SRGAP2: variants seen among roughly 807,000 people sequenced by gnomAD.
The protein encoded by SRGAP2 is SLIT-ROBO Rho GTPase-activating protein 2.
SRGAP2 carries 15 observed loss-of-function variants against 57.2 expected under a neutral mutation model. The observed-to-expected ratio is 0.26, with a 90% CI of 0.18 to 0.40. The LOEUF (loss-of-function observed/expected upper bound fraction) is 0.40. Among genes scored for constraint, SRGAP2 ranks in the 10% least tolerant of loss-of-function variants. SRGAP2 has a pLI of 1.00. For synonymous variants in SRGAP2, 249 were observed against 248.0 expected, an observed-to-expected ratio of 1.00 and a Z score of -0.04; for missense variants, 520 against 669.6, an observed-to-expected ratio of 0.78 and a Z score of 2.47.
At chr1:206,412,558 A>G (rs35825534) in intron 10 of SRGAP2, among the ~76,000 whole-genome samples, 1,965 of 152,358 alleles carry the variant, frequency 0.013, 19 homozygotes, top group Middle Eastern at 0.027. Context: ...ATATTGGAAC[A>G]TGCCCTAAGT....
intron 10 of SRGAP2, among the ~76,000 whole-genome samples, chr1:206,410,788 C>T (rs1659150915): frequency 6.6e-6 from 1 of 152,204 alleles, no homozygotes; most frequent in South Asian, 2.1e-4. Flanking sequence ...CAAATTCCCT[C>T]CTCATAGGCA....
intron 18 of SRGAP2, among the ~76,000 whole-genome samples, chr1:206,447,702 T>G (rs1662884728): frequency 6.6e-6 from 1 of 152,186 alleles, no homozygotes; most frequent in Admixed American, 6.5e-5. Flanking sequence ...AGCTGTAGAA[T>G]AGCATTCCCT....
chr1:206,435,606 T>G (rs1661657779), intron 14 of SRGAP2, among the ~76,000 whole-genome samples: 1 of 152,194 alleles, frequency 6.6e-6, no homozygotes, highest in Non-Finnish European at 1.5e-5. Flanking sequence ...CCTCTGCACT[T>G]GCACTCCAGT....
intron 2 of SRGAP2, among the ~76,000 whole-genome samples, chr1:206,227,739 A>T (rs1473397385): frequency 6.6e-6 from 1 of 151,858 alleles, no homozygotes; most frequent in Non-Finnish European, 1.5e-5. Context: ...CAAACAAAAC[A>T]TACTCTAATC....
Position 206,453,182 on chromosome 1 carries a change from C to A in SRGAP2, c.2180-18C>A, listed in dbSNP as rs1228262892. 2 of 483,662 alleles carry A rather than the reference C, an allele frequency of 4.1e-6. No homozygotes were observed. The highest frequency in any genetic ancestry group is 3.7e-5 in the South Asian group (1 of 27,336). The allele number at this position is 483,662 out of a possible 1,614,324, so 30.0% of individuals were successfully genotyped here. A position where few individuals can be genotyped will look rare whatever the true frequency, so the allele number is the denominator to read the frequency against. On this transcript the variant is annotated intron_variant, in intron 19 of 22. Transcript: ENST00000573034. ...AGGTCCCAAGAACATGTGTTTACTT[C>A]TTTTCCACCCTTCTCAGAATGTGAG... is the stretch of plus-strand genomic sequence containing the variant.
chr1:206,378,560 G>A (rs1422311786), intron 4 of SRGAP2, among the ~76,000 whole-genome samples: 1 of 152,220 alleles, frequency 6.6e-6, no homozygotes, highest in African/African-American at 2.4e-5. Flanking sequence ...AAGTAGAGGT[G>A]AAGCCAGCTG....
chr1:206,453,965 T>C (rs1410523892), intron 20 of SRGAP2: 3 of 609,000 alleles, frequency 4.9e-6, no homozygotes, highest in Admixed American at 5.4e-5. Context: ...CCTGAACTGG[T>C]CCCAGAGAGA....
chr1:206,456,870 G>A (rs985802701), intron 21 of SRGAP2, among the ~76,000 whole-genome samples: 17 of 152,104 alleles, frequency 1.1e-4, no homozygotes, highest in Non-Finnish European at 7.4e-5. Context: ...GCCCCTGGGC[G>A]CTCACGCCTG....
intron 2 of SRGAP2, among the ~76,000 whole-genome samples, chr1:206,293,060 A>G (rs1325834977): frequency 6.6e-6 from 1 of 152,352 alleles, no homozygotes; most frequent in South Asian, 2.1e-4. Flanking sequence ...CTCTACAGGA[A>G]CGTAGGGTCT....
chr1:206,366,403 C>T (rs1654015350), intron 4 of SRGAP2, among the ~76,000 whole-genome samples: 1 of 152,118 alleles, frequency 6.6e-6, no homozygotes, highest in African/African-American at 2.4e-5. Context: ...TTTTGAGGAG[C>T]CCTGTAGCGC....
At chr1:206,346,582 A>G (rs1372491719) in intron 4 of SRGAP2, among the ~76,000 whole-genome samples, 1 of 152,158 alleles carries the variant, frequency 6.6e-6, no homozygotes, top group Non-Finnish European at 1.5e-5. Context: ...ATCCAAATAC[A>G]TAAAATAGAT....
intron 19 of SRGAP2, among the ~76,000 whole-genome samples, chr1:206,450,791 G>C (rs1473984142): frequency 6.6e-6 from 1 of 152,072 alleles, no homozygotes; most frequent in African/African-American, 2.4e-5. Context: ...CAGACAGCTG[G>C]AGAACAAAGT....
intron 2 of SRGAP2, among the ~76,000 whole-genome samples, chr1:206,242,436 TC>T (rs1352372358): frequency 1.4e-5 from 2 of 141,590 alleles, no homozygotes; most frequent in Non-Finnish European, 3.1e-5. Context: ...TCTTTGTAGT[TC>T]TGTAATCAGG....
chr1:206,307,698 G>A (rs1672329952), intron 3 of SRGAP2, among the ~76,000 whole-genome samples: 2 of 152,256 alleles, frequency 1.3e-5, no homozygotes, highest in African/African-American at 2.4e-5. Flanking sequence ...TGGCCCGGGT[G>A]CTAAGTCCCC....
At chr1:206,243,494 T>C (rs1668361465) in intron 2 of SRGAP2, among the ~76,000 whole-genome samples, 1 of 152,154 alleles carries the variant, frequency 6.6e-6, no homozygotes, top group Non-Finnish European at 1.5e-5. Context: ...CTTCTGAATG[T>C]GGACTATGGC....
At chr1:206,295,444 C>G (rs1231591671) in intron 2 of SRGAP2, among the ~76,000 whole-genome samples, 2 of 151,706 alleles carry the variant, frequency 1.3e-5, no homozygotes, top group Non-Finnish European at 2.9e-5. Flanking sequence ...AGGCTAGTCT[C>G]AAACTCCTGA....
chr1:206,339,170 C>T (rs1553334487), intron 3 of SRGAP2, among the ~76,000 whole-genome samples: 1 of 149,228 alleles, frequency 6.7e-6, no homozygotes, highest in Non-Finnish European at 1.5e-5. Context: ...GCAGCTATTC[C>T]CCTTCATAAA....
At position 206,431,709 on chromosome 1, in the gene SRGAP2, G is replaced by A. The variant is rs992829911; in HGVS notation, c.1555+1487G>A. Reference sequence around the variant, plus strand: ...ACCAATTGATCAGCCAGTAAATACAGTATGTCAGGTATTGGTGAATGTCAT... The same window carrying A: ...ACCAATTGATCAGCCAGTAAATACAATATGTCAGGTATTGGTGAATGTCAT... On this transcript the variant is annotated intron_variant, in intron 14 of 22. Coordinates refer to ENST00000573034, the MANE Select transcript of SRGAP2 (RefSeq NM_015326.5). Among the ~76,000 whole-genome samples the A allele has an allele frequency of 2.6e-5, 4 of 152,358 alleles. No homozygotes were observed. In the East Asian group the frequency reaches 7.7e-4, roughly 29 times the overall value.
At chr1:206,277,976 C>CA (rs1355105445) in intron 2 of SRGAP2, among the ~76,000 whole-genome samples, 10,057 of 123,918 alleles carry the variant, frequency 0.081, 429 homozygotes, top group African/African-American at 0.15. Flanking sequence ...GAGACTGTCT[C>CA]AAAAAAAAAA....
Sources: allele counts gnomAD v4.1 joint callset (sites outside exome capture counted in the v4.1 genomes callset), GRCh38; gene constraint gnomAD v4.1.1; transcripts MANE v1.5; gene names NCBI Gene and HGNC (gene_info 2026-07-23, HGNC 2026-07-21).